AGBL4: variants seen among roughly 807,000 people sequenced by gnomAD.
AGBL4 encodes the protein cytosolic carboxypeptidase 6.
A neutral mutation model predicts 66.4 loss-of-function variants in AGBL4; 58 were observed. The ratio of observed to expected loss-of-function variants is 0.87; its 90% CI spans 0.71 to 1.09. The LOEUF is 1.09. Among genes scored for constraint, AGBL4 ranks in the 50% least tolerant of loss-of-function variants. The pLI is 0.00. For synonymous variants in AGBL4, 234 were observed against 222.9 expected (o/e 1.05, Z -0.44); for missense variants, 579 against 631.0 (o/e 0.92, Z 0.88).
intron 2 of AGBL4, among the ~76,000 whole-genome samples, chr1:49,790,479 T>TA (rs1644571017): frequency 6.6e-6 from 1 of 150,886 alleles, no homozygotes. Flanking sequence ...AAGATAAAGG[T>TA]AAAAATCTTA....
chr1:49,843,763 AC>A (rs1313315891), intron 2 of AGBL4, among the ~76,000 whole-genome samples: 1 of 152,066 alleles, frequency 6.6e-6, no homozygotes, highest in African/African-American at 2.4e-5. Context: ...CCCCTGGCTT[AC>A]CTTTTTTTTA....
chr1:49,347,980 C>T (rs946426830), intron 3 of AGBL4, among the ~76,000 whole-genome samples: 1 of 152,174 alleles, frequency 6.6e-6, no homozygotes, highest in Non-Finnish European at 1.5e-5. Context: ...GGGTCCCTTT[C>T]CAGTAACACT....
At chr1:49,589,266 G>T (rs1644708490) in intron 3 of AGBL4, among the ~76,000 whole-genome samples, 2 of 152,092 alleles carry the variant, frequency 1.3e-5, no homozygotes, top group South Asian at 4.2e-4. Context: ...TAAGCATCCA[G>T]GTATGAATTC....
intron 6 of AGBL4, chr1:48,758,830 T>C: frequency 7.3e-7 from 1 of 1,375,920 alleles, no homozygotes; most frequent in Non-Finnish European, 9.7e-7. Flanking sequence ...CCCCTTTCCC[T>C]TCCTGGAAGA....
intron 3 of AGBL4, among the ~76,000 whole-genome samples, chr1:49,631,749 T>C (rs1645573294): frequency 6.6e-6 from 1 of 151,850 alleles, no homozygotes; most frequent in Non-Finnish European, 1.5e-5. Context: ...TATCTGAAAA[T>C]GGATGGAGGA....
At chr1:49,211,153 G>A (rs1648637957) in intron 4 of AGBL4, among the ~76,000 whole-genome samples, 1 of 152,070 alleles carries the variant, frequency 6.6e-6, no homozygotes, top group South Asian at 2.1e-4. Flanking sequence ...AATGCCCATT[G>A]CTTTTATTAG....
At chr1:49,144,306 T>A (rs905412334) in intron 4 of AGBL4, among the ~76,000 whole-genome samples, 3 of 152,070 alleles carry the variant, frequency 2.0e-5, no homozygotes, top group African/African-American at 7.2e-5. Context: ...GTTGGAGGAC[T>A]CTAGGGTGAC....
intron 3 of AGBL4, among the ~76,000 whole-genome samples, chr1:49,464,748 GAA>G (rs79224286): frequency 6.6e-6 from 1 of 150,640 alleles, no homozygotes; most frequent in African/African-American, 2.4e-5. Context: ...GCCACGAATA[GAA>G]AAAAAAATCA....
chr1:49,143,061 G>C (rs1192831734), intron 4 of AGBL4, among the ~76,000 whole-genome samples: 2 of 151,992 alleles, frequency 1.3e-5, no homozygotes, highest in Non-Finnish European at 2.9e-5. Flanking sequence ...GGGAAATGTT[G>C]CTCCCCCTGA....
At chr1:49,509,783 T>A (rs1014431372) in intron 3 of AGBL4, among the ~76,000 whole-genome samples, 1 of 151,974 alleles carries the variant, frequency 6.6e-6, no homozygotes, top group African/African-American at 2.4e-5. Flanking sequence ...TCCCTTAGTT[T>A]CCTCATCCAT....
At chr1:48,750,448 G>A (rs1408527842) in intron 6 of AGBL4, among the ~76,000 whole-genome samples, 1 of 152,022 alleles carries the variant, frequency 6.6e-6, no homozygotes, top group Non-Finnish European at 1.5e-5. Context: ...CTTAACTTGG[G>A]GCCTCCTGCA....
At chr1:48,670,155 A>C (rs1646254021) in intron 6 of AGBL4, among the ~76,000 whole-genome samples, 1 of 152,208 alleles carries the variant, frequency 6.6e-6, no homozygotes, top group Non-Finnish European at 1.5e-5. Flanking sequence ...CCCTATCTTC[A>C]CAAATGGTGT....
At chr1:49,963,401 A>G (rs1443756685) in intron 1 of AGBL4, among the ~76,000 whole-genome samples, 1 of 152,178 alleles carries the variant, frequency 6.6e-6, no homozygotes, top group Non-Finnish European at 1.5e-5. Flanking sequence ...TGGGAACACC[A>G]GAGAAGCAAA....
At chr1:49,654,825 G>A (rs550121679) in intron 3 of AGBL4, among the ~76,000 whole-genome samples, 5 of 152,212 alleles carry the variant, frequency 3.3e-5, no homozygotes, top group South Asian at 2.1e-4. Flanking sequence ...GTCTCCGCAC[G>A]TGAGATCGGT....
intron 5 of AGBL4, among the ~76,000 whole-genome samples, chr1:49,030,870 TTCA>T (rs1664166373): frequency 1.3e-5 from 2 of 150,318 alleles, no homozygotes; most frequent in South Asian, 4.3e-4. Flanking sequence ...TCAATCGGAC[TTCA>T]TCAAAATTTA....
intron 3 of AGBL4, among the ~76,000 whole-genome samples, chr1:49,267,395 C>A (rs751900067): frequency 6.6e-6 from 1 of 152,004 alleles, no homozygotes; most frequent in Non-Finnish European, 1.5e-5. Context: ...AAAGACATAC[C>A]CAAGGCGAGG....
intron 6 of AGBL4, among the ~76,000 whole-genome samples, chr1:48,707,469 G>A (rs1646899060): frequency 6.6e-6 from 1 of 152,190 alleles, no homozygotes; most frequent in African/African-American, 2.4e-5. Flanking sequence ...TTGACACTCT[G>A]CCATGTGCTT....
At chr1:49,098,618 A>T (rs1292675682) in intron 4 of AGBL4, among the ~76,000 whole-genome samples, 1 of 152,206 alleles carries the variant, frequency 6.6e-6, no homozygotes, top group Non-Finnish European at 1.5e-5. Context: ...CAGGACACAG[A>T]ATGTGAAGAG....
chr1:49,739,363 T>TA (rs1284910931), intron 2 of AGBL4, among the ~76,000 whole-genome samples: 5 of 152,110 alleles, frequency 3.3e-5, no homozygotes, highest in African/African-American at 1.2e-4. Flanking sequence ...GAAAAAAGAA[T>TA]AAAAAGAAAT....
Sources: allele counts gnomAD v4.1 joint callset (sites outside exome capture counted in the v4.1 genomes callset), GRCh38; gene constraint gnomAD v4.1.1; transcripts MANE v1.5; gene names NCBI Gene and HGNC (gene_info 2026-07-23, HGNC 2026-07-21).